Variants in MMP26 observed in about 807,000 individuals in gnomAD.
MMP26 encodes the protein matrix metallopeptidase 26, also known as matrix metalloproteinase-26.
In MMP26, 33 loss-of-function variants were observed where a neutral mutation model predicts 31.0. The observed-to-expected ratio is 1.06, with a 90% CI of 0.81 to 1.42. The LOEUF (loss-of-function observed/expected upper bound fraction) is 1.42. Among genes scored for constraint, MMP26 ranks in the 40% most tolerant of loss-of-function variants. MMP26 has a pLI of 0.00. For missense variants in MMP26, 347 were observed against 316.1 expected (o/e 1.10, Z -0.74); for synonymous variants, 122 against 114.9 (o/e 1.06, Z -0.40).
intron 1 of MMP26, among the ~76,000 whole-genome samples, chr11:4,712,765 CTTTATAAAGTAATACTTTATA>C (rs1847878321): frequency 6.6e-6 from 1 of 151,738 alleles, no homozygotes. Context: ...TATTTTCTCT[CTTTATAAAGTAATACTTTATA>C]TTTTTTCTTA....
chr11:4,965,580 T>C (rs1008503834), intron 2 of MMP26, among the ~76,000 whole-genome samples: 3 of 152,206 alleles, frequency 2.0e-5, no homozygotes, highest in African/African-American at 7.2e-5. Flanking sequence ...GAGATGATTC[T>C]TTTTAATAAA....
intron 2 of MMP26, among the ~76,000 whole-genome samples, chr11:4,880,161 T>C (rs1051800238): frequency 7.9e-5 from 12 of 152,052 alleles, no homozygotes; most frequent in African/African-American, 2.4e-4. Context: ...TAATCAAGAA[T>C]GCTCCCCATT....
chr11:4,746,782 T>G (rs1418080261), intron 1 of MMP26, among the ~76,000 whole-genome samples: 1 of 149,934 alleles, frequency 6.7e-6, no homozygotes, highest in East Asian at 2.0e-4. Flanking sequence ...TGCAGTGAGC[T>G]GAGATTGTGC....
intron 2 of MMP26, among the ~76,000 whole-genome samples, chr11:4,785,694 G>C (rs1212567667): frequency 6.6e-6 from 1 of 152,096 alleles, no homozygotes; most frequent in African/African-American, 2.4e-5. Context: ...TCTGCAAATA[G>C]AATGCAGCTT....
chr11:4,960,768 A>G (rs1279104091), intron 2 of MMP26, among the ~76,000 whole-genome samples: 1 of 152,136 alleles, frequency 6.6e-6, no homozygotes, highest in African/African-American at 2.4e-5. Context: ...TAAAAAGGGG[A>G]TTTATTTGAG....
At chr11:4,740,319 G>C (rs1331432026) in intron 1 of MMP26, among the ~76,000 whole-genome samples, 3 of 152,020 alleles carry the variant, frequency 2.0e-5, no homozygotes, top group Non-Finnish European at 4.4e-5. Context: ...TAAAATAAAT[G>C]ACCAAGAAAG....
At position 4,992,316 on chromosome 11, in the gene MMP26, G is replaced by C; in HGVS notation, c.*74G>C. ...GAGGATCAAAGAACTGAAAGCACTA[G>C]AGCAGCCTTGGGGACTGCTAGGATG... On this transcript the variant is annotated 3_prime_UTR_variant, in exon 8 of 8. Coordinates refer to ENST00000380390, the MANE Select transcript of MMP26 (RefSeq NM_021801.5). 1 of 1,472,756 alleles carries C rather than the reference G, an allele frequency of 6.8e-7. No individual in the cohort carries two copies. Among genetic ancestry groups the C allele is most frequent in the South Asian group, 1.2e-5 (1 of 82,246 alleles). 91.2% of individuals were successfully genotyped at this position (1,472,756 alleles called of 1,614,324 possible).
intron 2 of MMP26, among the ~76,000 whole-genome samples, chr11:4,870,060 T>C (rs891689907): frequency 2.0e-4 from 31 of 151,962 alleles, no homozygotes; most frequent in Middle Eastern, 3.4e-3. Flanking sequence ...CATCACACAC[T>C]GGGGCCTGTT....
intron 2 of MMP26, among the ~76,000 whole-genome samples, chr11:4,959,265 T>A (rs891105910): frequency 2.2e-5 from 3 of 136,680 alleles, no homozygotes; most frequent in Admixed American, 7.3e-5. Context: ...AAAAAAAAAA[T>A]CTTACAAGAT....
intron 1 of MMP26, among the ~76,000 whole-genome samples, chr11:4,762,293 T>C (rs1344521489): frequency 2.6e-5 from 4 of 152,176 alleles, no homozygotes; most frequent in African/African-American, 4.8e-5. Flanking sequence ...AGTTAATGTT[T>C]AGGTTTGCTT....
At position 4,988,105 on chromosome 11, in the gene MMP26, G is replaced by A. The variant is rs1333170561; in HGVS notation, c.-107G>A. Reference sequence around the variant, plus strand: ...ACGCCACTCACAGATTCAAAGAAAGGGCAAACTGGCAGAGTGAGTCATTGG... The same window carrying A: ...ACGCCACTCACAGATTCAAAGAAAGAGCAAACTGGCAGAGTGAGTCATTGG... On this transcript the variant is annotated 5_prime_UTR_variant, in exon 3 of 8. Coordinates refer to ENST00000380390, the MANE Select transcript of MMP26 (RefSeq NM_021801.5). The A allele has an allele frequency of 1.0e-6, 1 of 988,778 alleles. No homozygotes were observed. Among genetic ancestry groups the A allele is most frequent in the Non-Finnish European group, 1.6e-6 (1 of 614,514 alleles). 61.3% of individuals were successfully genotyped at this position (988,778 alleles called of 1,614,324 possible). A position where few individuals can be genotyped will look rare whatever the true frequency, so the allele number is the denominator to read the frequency against.
chr11:4,773,395 T>C (rs1189041952), intron 2 of MMP26, among the ~76,000 whole-genome samples: 1 of 152,192 alleles, frequency 6.6e-6, no homozygotes, highest in African/African-American at 2.4e-5. Flanking sequence ...CATGGCCTCC[T>C]AGCCAACATG....
At chr11:4,870,977 A>G (rs1201765046) in intron 2 of MMP26, among the ~76,000 whole-genome samples, 1 of 152,250 alleles carries the variant, frequency 6.6e-6, no homozygotes, top group East Asian at 1.9e-4. Flanking sequence ...AGATACACTG[A>G]CATTTAGTGC....
At chr11:4,906,217 T>C (rs1414477107) in intron 2 of MMP26, among the ~76,000 whole-genome samples, 1 of 152,330 alleles carries the variant, frequency 6.6e-6, no homozygotes, top group East Asian at 1.9e-4. Flanking sequence ...AAAGTACTTA[T>C]CCACTGCTCC....
At chr11:4,717,516 T>C (rs1156284643) in intron 1 of MMP26, among the ~76,000 whole-genome samples, 1 of 151,838 alleles carries the variant, frequency 6.6e-6, no homozygotes, top group East Asian at 1.9e-4. Context: ...ATTTAGAATA[T>C]TTCCATGTTG....
intron 2 of MMP26, among the ~76,000 whole-genome samples, chr11:4,984,020 G>A (rs1365181415): frequency 6.6e-6 from 1 of 152,102 alleles, no homozygotes; most frequent in African/African-American, 2.4e-5. Flanking sequence ...AGTTAAGCTG[G>A]CTCTCAGCAG....
intron 2 of MMP26, among the ~76,000 whole-genome samples, chr11:4,835,645 T>C (rs1849708461): frequency 1.3e-5 from 2 of 151,962 alleles, no homozygotes; most frequent in South Asian, 4.1e-4. Context: ...TTTAGCAGAG[T>C]AATAAACACA....
intron 2 of MMP26, chr11:4,876,654 C>G (rs1850383326): frequency 6.6e-6 from 1 of 152,186 alleles, no homozygotes; most frequent in Non-Finnish European, 1.5e-5. Context: ...ATGGCCTTGC[C>G]CCTCTGTCTT....
At chr11:4,806,904 T>C (rs1024943836) in intron 2 of MMP26, among the ~76,000 whole-genome samples, 2 of 152,132 alleles carry the variant, frequency 1.3e-5, no homozygotes, top group Non-Finnish European at 2.9e-5. Flanking sequence ...GCCGAAGTCT[T>C]TCTGTCACTT....
Sources: gnomAD v4.1 joint callset for allele counts (sites outside exome capture counted in the v4.1 genomes callset) on GRCh38, gnomAD v4.1.1 for gene constraint, MANE v1.5 for transcripts, NCBI Gene and HGNC (gene_info 2026-07-23, HGNC 2026-07-21) for gene names.